The following HELZ2 variants were observed in gnomAD, a reference collection of about 807,000 sequenced individuals.
HELZ2 encodes the protein 3'-5' exoribonuclease HELZ2.
Under a neutral mutation model 208.8 loss-of-function variants are expected in HELZ2, and 143 were observed. The ratio of observed to expected loss-of-function variants is 0.68; its 90% CI spans 0.60 to 0.79. The LOEUF is 0.79. HELZ2 is among the 30% of genes least tolerant of loss of function. HELZ2 has a pLI of 0.00. For synonymous variants in HELZ2, 1,705 were observed against 1,693.7 expected, an observed-to-expected ratio of 1.01 and a Z score of -0.16; for missense variants, 3,690 against 3,794.5, an observed-to-expected ratio of 0.97 and a Z score of 0.72.
chr20:63,559,172 A>C, downstream of HELZ2: 1 of 1,100,008 alleles, frequency 9.1e-7, no homozygotes, highest in South Asian at 1.7e-5. Context: ...CTGATGGCGG[A>C]GGGTGGTGGG....
In HELZ2 at chr20:63,565,880, A is replaced by G. The variant is rs948326906; in HGVS notation, c.2942T>C (p.Val981Ala). Reference sequence around the variant, plus strand: ...CGCCTGCTCCTCGGCCAGGTCCCCTACTGGCTCTGGGGCAGCCTCCCAGTT... The same window carrying G: ...CGCCTGCTCCTCGGCCAGGTCCCCTGCTGGCTCTGGGGCAGCCTCCCAGTT... Residue 981 changes from valine to alanine, a missense_variant, in exon 8 of 19, where the codon GTA becomes GCA. Coordinates refer to ENST00000467148, the Ensembl canonical transcript of HELZ2. The G allele has an allele frequency of 9.4e-6, 15 of 1,597,518 alleles. No homozygotes were observed. Among genetic ancestry groups the G allele is most frequent in the East Asian group, 6.7e-5 (3 of 44,788 alleles).
Position 63,561,256 on chromosome 20 carries a change from C to T in HELZ2, c.6972G>A (p.Trp2324Ter). The change falls in exon 14 of 19, where the codon TGG becomes TGA. Residue 2324 changes from tryptophan to a stop codon, truncating the protein, a stop_gained. Transcript: ENST00000467148. LOFTEE classifies it high-confidence loss of function. ...GGTCCAGCTCGAACTTCCGAGCCTC[C>T]CACAAGACCTTCTTGTACCTGCCGG... is the stretch of plus-strand genomic sequence containing the variant. 6.2e-7 allele frequency: 1 copy of T among 1,612,754 alleles called. No individual in the cohort carries two copies.
chr20:63,566,925 C>A (rs773592302), exon 6 of HELZ2: 1 of 1,610,198 alleles, frequency 6.2e-7, no homozygotes. Context: ...AGGCCTCCTG[C>A]ACCTTCTCGA....
exon 14 of HELZ2, chr20:63,561,189 C>T: frequency 6.2e-7 from 1 of 1,613,042 alleles, no homozygotes. Context: ...TTGAGGCTGG[C>T]AGAGGCTGCA....
Position 63,560,960 on chromosome 20 carries a change from C to T in HELZ2, c.7147-31G>A, listed in dbSNP as rs370720585. 5.0e-6 allele frequency: 8 copies of T among 1,606,838 alleles called. No homozygotes were observed. The African/African-American group carries it at 6.7e-5, about 13-fold the overall frequency. ...GGAATAGGCAGGCCTGGCCCTGACA[C>T]CCCTAGACCCAGAGGGACCCCAGCC... On this transcript the variant is annotated intron_variant, in intron 14 of 18. Transcript: ENST00000467148.
intron 18 of HELZ2, among the ~76,000 whole-genome samples, chr20:63,559,594 TGGG>T (rs1270533187): frequency 3.7e-5 from 2 of 53,744 alleles, no homozygotes; most frequent in African/African-American, 1.3e-4. Flanking sequence ...CAGGGTCAGG[TGGG>T]AGGAGTCAGG....
At chr20:63,565,101 T>C in exon 8 of HELZ2, 8 of 1,566,000 alleles carry the variant, frequency 5.1e-6, no homozygotes, top group Non-Finnish European at 6.9e-6. Flanking sequence ...TTCCGGAGGC[T>C]GTAGATGGGG....
rs574810497 is a variant in HELZ2 at position 63,569,919 on chromosome 20, T to C, written c.571-254A>G. 1.2e-4 allele frequency among the ~76,000 whole-genome samples: 19 copies of C among 152,284 alleles called. No homozygotes were observed. The South Asian group carries it at 3.7e-3, about 30-fold the overall frequency. On this transcript the variant is annotated intron_variant, in intron 3 of 18. Coordinates refer to ENST00000467148, the Ensembl canonical transcript of HELZ2. The stretch of plus-strand genomic sequence containing the variant: ...GGCAGCTTGAGGCCTCACCACCCAC[T>C]CTCCAGGTGCCAGACCCTGGTGAAT...
At position 63,565,825 on chromosome 20, in the gene HELZ2, C is replaced by A. The variant is rs199926959; in HGVS notation, c.2997G>T (p.Glu999Asp). ...CTGGGCTCAGAGCCTCATCTCCCGG[C>A]TCTGCCTTCACCATGGCCGTCACCA... Residue 999 changes from glutamate (E) to aspartate (D), a missense_variant, in exon 8 of 19, where the codon GAG (glutamate) becomes GAT (aspartate). Around this residue, in one of 3 missense-constraint regions of HELZ2, gnomAD observed 2,564 missense variants for 2,580.5 expected, o/e 0.99. Coordinates refer to ENST00000467148, the Ensembl canonical transcript of HELZ2. 70 of 1,599,248 alleles carry A rather than the reference C, an allele frequency of 4.4e-5. 1 individual carries two copies. In the East Asian group the frequency reaches 1.4e-3, roughly 33 times the overall value.
chr20:63,564,557 C>G, exon 8 of HELZ2: 1 of 1,568,916 alleles, frequency 6.4e-7, no homozygotes, highest in Non-Finnish European at 8.6e-7. Context: ...CAGGCGGTCC[C>G]GGCCAGGCAG....
At position 63,562,872 on chromosome 20, in the gene HELZ2, G is replaced by A; in HGVS notation, c.5950C>T (p.Gln1984Ter). Residue 1984 changes from glutamine (Q) to a stop codon, truncating the protein, a stop_gained, in exon 8 of 19, where the codon CAG becomes TAG. Coordinates refer to ENST00000467148, the Ensembl canonical transcript of HELZ2. LOFTEE classifies it high-confidence loss of function. ...GCGGCCTCCAGGCGGAAGGCGCCCT[G>A]CAGCTGCCCCTGCGGCGTCCGTGAC... 6.2e-7 allele frequency: 1 copy of A among 1,606,220 alleles called. No homozygotes were observed. Among genetic ancestry groups the A allele is most frequent in the East Asian group, 2.2e-5 (1 of 44,496 alleles).
chr20:63,565,464 T>C (rs866440162), exon 8 of HELZ2: 1 of 1,608,498 alleles, frequency 6.2e-7, no homozygotes, highest in Admixed American at 1.7e-5. Context: ...TGCAGCAGCT[T>C]CCGTAGCGCA....
At chr20:63,564,441 C>T in exon 8 of HELZ2, 1 of 1,560,910 alleles carries the variant, frequency 6.4e-7, no homozygotes. Flanking sequence ...ACCTCCTCCG[C>T]CTCCTCGTAG....
chr20:63,560,338 G>A lies in HELZ2; in HGVS notation c.7501-11C>T, dbSNP rs200885040. ...CTTGGTGATACGGACCTGAGGAGCC[G>A]AGGGGGCAGGTGGAGCGGACCCTGG... is the stretch of plus-strand genomic sequence containing the variant. On this transcript the variant is annotated splice_polypyrimidine_tract_variant and intron_variant, in intron 16 of 18. Coordinates refer to ENST00000467148, the Ensembl canonical transcript of HELZ2. The A allele has an allele frequency of 3.2e-4, 504 of 1,553,768 alleles. 1 individual carries two copies. Among genetic ancestry groups the A allele is most frequent in the Non-Finnish European group, 4.0e-4 (463 of 1,154,296 alleles).
At chr20:63,567,047 C>A (rs779025146) in exon 6 of HELZ2, 1 of 1,612,112 alleles carries the variant, frequency 6.2e-7, no homozygotes, top group Non-Finnish European at 8.5e-7. Context: ...TGGGGCGGAA[C>A]CTTGCCCCTG....
chr20:63,565,230 T>C, exon 8 of HELZ2: 1 of 1,608,338 alleles, frequency 6.2e-7, no homozygotes, highest in Non-Finnish European at 8.5e-7. Flanking sequence ...TCGTGCCTCT[T>C]CCTCTTCAGC....
rs1283147065 is a variant in HELZ2, at chr20:63,568,757, G to A, written c.1331C>T (p.Ala444Val). 14 of 1,604,472 alleles carry A rather than the reference G, an allele frequency of 8.7e-6. No individual in the cohort carries two copies. Among genetic ancestry groups the A allele is most frequent in the South Asian group, 5.5e-5 (5 of 90,586 alleles). ...GCGGGCCGGAAGCAGCAGCCACAGC[G>A]CCTGCTCTGAGCTGGCCCGCCTCTC... is the stretch of plus-strand genomic sequence containing the variant. The change falls in exon 5 of 19, where the codon GCG becomes GTG. Residue 444 changes from alanine (A) to valine (V), a missense_variant. By Grantham distance (64) the Ala-to-Val change is moderately conservative. Coordinates refer to ENST00000467148, the Ensembl canonical transcript of HELZ2.
exon 8 of HELZ2, chr20:63,565,012 G>A (rs1259791493): frequency 1.9e-6 from 3 of 1,590,620 alleles, no homozygotes; most frequent in Non-Finnish European, 2.6e-6. Context: ...GCCGCCACAG[G>A]ACAATTTGGA....
At chr20:63,572,258 G>T (rs949945449) in exon 1 of HELZ2, 2 of 1,586,402 alleles carry the variant, frequency 1.3e-6, no homozygotes, top group South Asian at 2.3e-5. Context: ...CAAGCAGGCC[G>T]GGCAGTACAG....
Sources: gnomAD v4.1 joint callset for allele counts (sites outside exome capture counted in the v4.1 genomes callset) on GRCh38, gnomAD v4.1.1 for gene constraint, gnomAD v4.1.1 regional missense constraint, MANE v1.5 for transcripts, NCBI Gene and HGNC (gene_info 2026-07-23, HGNC 2026-07-21) for gene names.